The following KCNQ1 variants were observed in gnomAD, a reference collection of about 807,000 sequenced individuals.
KCNQ1 encodes the protein potassium voltage-gated channel subfamily KQT member 1.
A neutral mutation model predicts 72.4 loss-of-function variants in KCNQ1; 49 were observed. The observed-to-expected ratio is 0.68, with a 90% CI of 0.54 to 0.86. KCNQ1 has a LOEUF of 0.86. KCNQ1 is among the 40% of genes least tolerant of loss of function. KCNQ1 has a pLI of 0.00. For synonymous variants in KCNQ1, 450 were observed against 412.6 expected (o/e 1.09, Z -1.10); for missense variants, 790 against 945.1 (o/e 0.84, Z 2.15).
intron 15 of KCNQ1, among the ~76,000 whole-genome samples, chr11:2,792,597 T>C (rs995998998): frequency 3.3e-5 from 5 of 152,166 alleles, no homozygotes; most frequent in Non-Finnish European, 7.3e-5. Flanking sequence ...ATCCTATGGA[T>C]ATCTAGAGGA....
chr11:2,802,646 AG>A (rs1847290320), intron 15 of KCNQ1, among the ~76,000 whole-genome samples: 1 of 152,306 alleles, frequency 6.6e-6, no homozygotes, highest in East Asian at 1.9e-4. Context: ...CAAGAGGCCC[AG>A]CAGATGCTCA....
At chr11:2,576,291 C>T (rs953945442) in intron 6 of KCNQ1, among the ~76,000 whole-genome samples, 2 of 152,194 alleles carry the variant, frequency 1.3e-5, no homozygotes, top group Non-Finnish European at 2.9e-5. Flanking sequence ...CCTCCTGTCC[C>T]CTTCGCCGGG....
At chr11:2,707,229 G>T (rs1850925928) in intron 11 of KCNQ1, among the ~76,000 whole-genome samples, 1 of 152,222 alleles carries the variant, frequency 6.6e-6, no homozygotes, top group Admixed American at 6.5e-5. Flanking sequence ...GCTCACTACT[G>T]TTTTTCTCTT....
At position 2,803,601 on chromosome 11, in the gene KCNQ1, T is replaced by G. The variant is rs1008250580; in HGVS notation, c.1794+25564T>G. On this transcript the variant is annotated intron_variant, in intron 15 of 15. Coordinates refer to ENST00000155840, the MANE Select transcript of KCNQ1 (RefSeq NM_000218.3). The surrounding 1 kb of genome is among the most constrained non-coding windows in gnomAD (Gnocchi z 6.4). The stretch of plus-strand genomic sequence containing the variant: ...CCCGCCAGGACTGGGGACACAAGCC[T>G]AGGCCTGTACCGTCTGCAGCCCCAT... Among the ~76,000 whole-genome samples, 3 of 152,114 alleles carry G rather than the reference T, an allele frequency of 2.0e-5. No individual in the cohort carries two copies. The highest frequency in any genetic ancestry group is 4.4e-5 in the Non-Finnish European group (3 of 67,998).
chr11:2,497,444 C>G lies in KCNQ1; in HGVS notation c.387-30484C>G, dbSNP rs574496798. Among the ~76,000 whole-genome samples, 148 of 152,132 alleles carry G rather than the reference C, an allele frequency of 9.7e-4. No individual in the cohort carries two copies. The highest frequency in any genetic ancestry group is 3.5e-3 in the African/African-American group (145 of 41,506). ...CTTCAATCTCTGATATCCTTTCTTC[C>G]ACTTGATTCATTTGGCTATTGATAC... is the stretch of plus-strand genomic sequence containing the variant. On this transcript the variant is annotated intron_variant, in intron 1 of 15. Coordinates refer to ENST00000155840, the MANE Select transcript of KCNQ1 (RefSeq NM_000218.3). The surrounding 1 kb of genome is among the most constrained non-coding windows in gnomAD (Gnocchi z 4.5).
In KCNQ1 at chr11:2,527,831, G is replaced by C. The variant is rs28730663; in HGVS notation, c.387-97G>C. 47,629 of 995,242 alleles carry C rather than the reference G, an allele frequency of 0.048. 2,070 individuals are homozygous for C. The highest frequency in any genetic ancestry group is 0.18 in the African/African-American group (11,595 of 63,060). 61.7% of individuals were successfully genotyped at this position (995,242 alleles called of 1,614,324 possible). Reference sequence around the variant, plus strand: ...TTCGAAGCACTGTCTGTTCCTACCTGGGGGCGGGGCTGAGGCCAGGGGCCC... The same window carrying C: ...TTCGAAGCACTGTCTGTTCCTACCTCGGGGCGGGGCTGAGGCCAGGGGCCC... On this transcript the variant is annotated intron_variant, in intron 1 of 15. Coordinates refer to ENST00000155840, the MANE Select transcript of KCNQ1 (RefSeq NM_000218.3).
At chr11:2,519,046 C>G (rs1948237745) in intron 1 of KCNQ1, among the ~76,000 whole-genome samples, 1 of 152,180 alleles carries the variant, frequency 6.6e-6, no homozygotes, top group Admixed American at 6.5e-5. Context: ...TGCCAACCAG[C>G]TGGGCAGTGT....
rs1454314863 is a variant in KCNQ1, at chr11:2,624,982, C to G, written c.1393+36128C>G. Reference sequence around the variant, plus strand: ...ATATACCACATTTTGCTTATCCATTCTTCCATGGACATTTGGGTTGCATTG... The same window carrying G: ...ATATACCACATTTTGCTTATCCATTGTTCCATGGACATTTGGGTTGCATTG... On this transcript the variant is annotated intron_variant, in intron 10 of 15. Coordinates refer to ENST00000155840, the MANE Select transcript of KCNQ1 (RefSeq NM_000218.3). The surrounding 1 kb of genome is among the most constrained non-coding windows in gnomAD (Gnocchi z 4.9). 2 of 398,402 alleles carry G rather than the reference C, an allele frequency of 5.0e-6. No homozygotes were observed. The highest frequency in any genetic ancestry group is 8.8e-6 in the Non-Finnish European group (2 of 226,074). The allele number at this position is 398,402 out of a possible 1,614,324, so 24.7% of individuals were successfully genotyped here. A position where few individuals can be genotyped will look rare whatever the true frequency, so the allele number is the denominator to read the frequency against.
In KCNQ1 at chr11:2,768,258, G is replaced by T. The variant is rs1846531678; in HGVS notation, c.1515-586G>T. ...CACATCATCCCCTTTGTTTCCTTTT[G>T]TGATGCTGTTTCTAAAAGGATCTTT... On this transcript the variant is annotated intron_variant, in intron 11 of 15. Coordinates refer to ENST00000155840, the MANE Select transcript of KCNQ1 (RefSeq NM_000218.3). The surrounding 1 kb of genome is among the most constrained non-coding windows in gnomAD (Gnocchi z 6.7). Among the ~76,000 whole-genome samples, 1 of 152,160 alleles carries T rather than the reference G, an allele frequency of 6.6e-6. No individual in the cohort carries two copies. Among genetic ancestry groups the T allele is most frequent in the Non-Finnish European group, 1.5e-5 (1 of 68,024 alleles).
intron 10 of KCNQ1, chr11:2,614,134 C>G (rs75061665): frequency 0.018 from 7,184 of 398,474 alleles, 278 homozygotes; most frequent in East Asian, 0.11. Context: ...CCTACCATGT[C>G]TCTGAGATAC....
intron 15 of KCNQ1, among the ~76,000 whole-genome samples, chr11:2,835,280 C>A (rs1332403601): frequency 6.6e-6 from 1 of 152,096 alleles, no homozygotes; most frequent in East Asian, 1.9e-4. Flanking sequence ...CCCCCCTGCA[C>A]CCCAGCCCTT....
In KCNQ1 at chr11:2,483,861, C is replaced by T. The variant is rs1261994373; in HGVS notation, c.386+38377C>T. Among the ~76,000 whole-genome samples, 2 of 152,140 alleles carry T rather than the reference C, an allele frequency of 1.3e-5. No homozygotes were observed. Among genetic ancestry groups the T allele is most frequent in the Non-Finnish European group, 1.5e-5 (1 of 68,034 alleles). ...CATTTTCCGCTTCATAATTAGTAAA[C>T]ACCTTGAGGAAGCTACATTGAGACA... On this transcript the variant is annotated intron_variant, in intron 1 of 15. Coordinates refer to ENST00000155840, the MANE Select transcript of KCNQ1 (RefSeq NM_000218.3). The surrounding 1 kb of genome is among the most constrained non-coding windows in gnomAD (Gnocchi z 6.1).
At chr11:2,729,722 C>A (rs1218545814) in intron 11 of KCNQ1, among the ~76,000 whole-genome samples, 1 of 152,150 alleles carries the variant, frequency 6.6e-6, no homozygotes, top group Non-Finnish European at 1.5e-5. Context: ...CAGTATCACA[C>A]CATTTCGTAT....
intron 11 of KCNQ1, among the ~76,000 whole-genome samples, chr11:2,733,814 A>ACACACACACACACACACACACT: frequency 6.9e-5 from 6 of 86,608 alleles, no homozygotes; most frequent in Non-Finnish European, 9.5e-5. Flanking sequence ...ACACACACAC[A>ACACACACACACACACACACACT]CTCTCTCACT....
intron 11 of KCNQ1, among the ~76,000 whole-genome samples, chr11:2,740,721 G>A (rs181101419): frequency 6.6e-6 from 1 of 152,330 alleles, no homozygotes; most frequent in Non-Finnish European, 1.5e-5. Flanking sequence ...CTGCTCCTAG[G>A]GGCGCCCACA....
Position 2,721,370 on chromosome 11 carries a change from G to T in KCNQ1, c.1515-47474G>T, listed in dbSNP as rs749048495. Among the ~76,000 whole-genome samples, 2 of 152,212 alleles carry T rather than the reference G, an allele frequency of 1.3e-5. 1 individual carries two copies. The highest frequency in any genetic ancestry group is 4.8e-5 in the African/African-American group (2 of 41,450). On this transcript the variant is annotated intron_variant, in intron 11 of 15. Coordinates refer to ENST00000155840, the MANE Select transcript of KCNQ1 (RefSeq NM_000218.3). The stretch of plus-strand genomic sequence containing the variant: ...AGAGGCAGCTAATAAGCCGACTCCC[G>T]CTGGGCGCTTTGTAGCGAGGCCGCT...
intron 1 of KCNQ1, among the ~76,000 whole-genome samples, chr11:2,518,036 CT>C (rs1847317281): frequency 6.6e-6 from 1 of 152,252 alleles, no homozygotes; most frequent in Non-Finnish European, 1.5e-5. Flanking sequence ...GGCACTGAGA[CT>C]TCATTCACCG....
chr11:2,473,325 A>T lies in KCNQ1; in HGVS notation c.386+27841A>T, dbSNP rs752066666. Among the ~76,000 whole-genome samples, 11 of 151,806 alleles carry T rather than the reference A, an allele frequency of 7.2e-5. No individual in the cohort carries two copies. The highest frequency in any genetic ancestry group is 1.3e-4 in the Non-Finnish European group (9 of 67,906). On this transcript the variant is annotated intron_variant, in intron 1 of 15. Transcript: ENST00000155840. This position sits in a 1 kb window ranked among gnomAD's most constrained non-coding sequence, Gnocchi z 6.0. ...TTGGGGGCTTGCTGGGGACTCAGGG[A>T]GGGTTGGGGACCTCCAGGGCTTCCA...
rs928263819 is a variant in KCNQ1, at chr11:2,612,055, A to G, written c.1393+23201A>G. 2.5e-6 allele frequency: 1 copy of G among 398,634 alleles called. No homozygotes were observed. The highest frequency in any genetic ancestry group is 4.4e-5 in the Admixed American group (1 of 22,738). 24.7% of individuals were successfully genotyped at this position (398,634 alleles called of 1,614,324 possible). On this transcript the variant is annotated intron_variant, in intron 10 of 15. Transcript: ENST00000155840. This position sits in a 1 kb window ranked among gnomAD's most constrained non-coding sequence, Gnocchi z 5.5. ...TTCTACTCTTAATTACATATATGTTACAACTTAATTACACATACATTGTTA... is the reference window on the plus strand; with the variant it reads ...TTCTACTCTTAATTACATATATGTTGCAACTTAATTACACATACATTGTTA...
Sources: allele counts gnomAD v4.1 joint callset (sites outside exome capture counted in the v4.1 genomes callset), GRCh38; gene constraint gnomAD v4.1.1; non-coding constraint Gnocchi (gnomAD v3.1); transcripts MANE v1.5; gene names NCBI Gene and HGNC (gene_info 2026-07-23, HGNC 2026-07-21).